Variants in SPTBN1 observed in about 807,000 individuals in gnomAD.
SPTBN1 encodes the protein spectrin beta, non-erythrocytic 1.
SPTBN1 carries 32 observed loss-of-function variants against 266.4 expected under a neutral mutation model. That is an observed-to-expected ratio of 0.12 (90% CI 0.09 to 0.16). The LOEUF is 0.16. Ranked by LOEUF, SPTBN1 falls within the 10% of genes least tolerant of loss-of-function variation. SPTBN1 has a pLI of 1.00. For synonymous variants in SPTBN1, 1,336 were observed against 1,162.2 expected (o/e 1.15, Z -3.04); for missense variants, 2,296 against 3,067.1 (o/e 0.75, Z 5.94).
Position 54,563,593 on chromosome 2 carries a change from CTTTTTTTTTTTTTTTTT to C in SPTBN1, c.149-35487_149-35471del, listed in dbSNP as rs750173696. The stretch of plus-strand genomic sequence containing the variant: ...CTCTGAATCATGAAGAAAATTTATT[CTTTTTTTTTTTTTTTTT>C]TTTTTTTTTTTGAGACGGGGTCTCA... On this transcript the variant is annotated intron_variant, in intron 2 of 35. Transcript: ENST00000356805. 6.2e-4 allele frequency among the ~76,000 whole-genome samples: 40 copies of C among 64,460 alleles called. 3 individuals carry two copies. The highest frequency in any genetic ancestry group is 3.0e-3 in the Admixed American group (12 of 3,960). The allele number at this position is 64,460 out of a possible 152,430, so 42.3% of individuals were successfully genotyped here.
chr2:54,639,331 G>A (rs1572730458), intron 18 of SPTBN1, among the ~76,000 whole-genome samples: 1 of 152,320 alleles, frequency 6.6e-6, no homozygotes, highest in African/African-American at 2.4e-5. Flanking sequence ...TCCACAGATT[G>A]GTAGTCCCTG....
chr2:54,565,593 G>C (rs1014826275), intron 2 of SPTBN1, among the ~76,000 whole-genome samples: 1 of 152,166 alleles, frequency 6.6e-6, no homozygotes, highest in Non-Finnish European at 1.5e-5. Flanking sequence ...AGGCATCAAG[G>C]TTAGTTTCAC....
chr2:54,585,340 A>C (rs553977735), intron 2 of SPTBN1, among the ~76,000 whole-genome samples: 2 of 152,236 alleles, frequency 1.3e-5, no homozygotes, highest in South Asian at 4.2e-4. Context: ...GATGAGTGTG[A>C]GGGATCTTAT....
intron 32 of SPTBN1, chr2:54,661,633 ACTT>A (rs1681054032): frequency 1.0e-6 from 1 of 985,538 alleles, no homozygotes; most frequent in Admixed American, 6.2e-5. Context: ...AGACAAAAAA[ACTT>A]CTGCTTTGTC....
chr2:54,561,441 G>GCT (rs1673291856), intron 2 of SPTBN1, among the ~76,000 whole-genome samples: 2 of 52,208 alleles, frequency 3.8e-5, no homozygotes, highest in African/African-American at 2.0e-4. Flanking sequence ...TCCTGTACTG[G>GCT]GTTTAATGCC....
chr2:54,632,482 G>T, intron 16 of SPTBN1, 84 bp from the exon 17 acceptor site: 1 of 1,357,602 alleles, frequency 7.4e-7, no homozygotes, highest in South Asian at 1.2e-5. Context: ...AAAGTGTTGT[G>T]AACTATGTTG....
At chr2:54,592,319 C>CT (rs535651231) in intron 2 of SPTBN1, among the ~76,000 whole-genome samples, 51 of 151,838 alleles carry the variant, frequency 3.4e-4, no homozygotes, top group Middle Eastern at 3.4e-3. Context: ...ATTCACAGCC[C>CT]TTTTTTTTAA....
rs374501388 is a variant in SPTBN1, at chr2:54,653,888, T to G, written c.5822+35T>G. 6 of 1,594,890 alleles carry G rather than the reference T, an allele frequency of 3.8e-6. No homozygotes were observed. The highest frequency in any genetic ancestry group is 1.7e-4 in the Middle Eastern group (1 of 5,968). ...TCAGCCCAAAGGAAATTGGACTTAT[T>G]GGCGCTTGGTTAAAACACAGGAGTC... On this transcript the variant is annotated intron_variant, in intron 27 of 35. Transcript: ENST00000356805. This position sits in a 1 kb window ranked among gnomAD's most constrained non-coding sequence, Gnocchi z 5.1.
intron 1 of SPTBN1, among the ~76,000 whole-genome samples, chr2:54,486,876 G>T (rs1668424556): frequency 6.6e-6 from 1 of 152,132 alleles, no homozygotes; most frequent in Non-Finnish European, 1.5e-5. Flanking sequence ...GCCTTGCCGG[G>T]GTCTTCTGAT....
At chr2:54,622,555 T>C in intron 9 of SPTBN1, 68 bp downstream of exon 9, 2 of 1,541,304 alleles carry the variant, frequency 1.3e-6, no homozygotes, top group Non-Finnish European at 1.8e-6. Context: ...CAGATCCCTA[T>C]GTTCTGATTT....
intron 1 of SPTBN1, among the ~76,000 whole-genome samples, chr2:54,488,096 TG>T (rs1668503949): frequency 6.6e-6 from 1 of 152,070 alleles, no homozygotes; most frequent in East Asian, 1.9e-4. Context: ...CCCAAAGTGC[TG>T]GGATTACAGG....
intron 2 of SPTBN1, among the ~76,000 whole-genome samples, chr2:54,580,161 A>G (rs760478568): frequency 6.6e-6 from 1 of 152,226 alleles, no homozygotes; most frequent in Non-Finnish European, 1.5e-5. Flanking sequence ...GAACCTGAGA[A>G]TATTCTCTAT....
intron 1 of SPTBN1, among the ~76,000 whole-genome samples, chr2:54,466,623 G>C (rs899369556): frequency 7.4e-6 from 1 of 134,770 alleles, no homozygotes; most frequent in African/African-American, 2.6e-5. Flanking sequence ...TTTATTCTTA[G>C]AAAGTTCATG....
At chr2:54,465,788 T>C (rs1418761389) in intron 1 of SPTBN1, among the ~76,000 whole-genome samples, 1 of 151,416 alleles carries the variant, frequency 6.6e-6, no homozygotes, top group African/African-American at 2.4e-5. Flanking sequence ...TGAAAAGGAG[T>C]CCCATGAATG....
chr2:54,572,992 C>T (rs1558856018), intron 2 of SPTBN1, among the ~76,000 whole-genome samples: 4 of 152,214 alleles, frequency 2.6e-5, no homozygotes, highest in Non-Finnish European at 5.9e-5. Context: ...TGCTGGGAAT[C>T]AGATGAGAAG....
intron 1 of SPTBN1, among the ~76,000 whole-genome samples, chr2:54,522,787 G>T (rs1055486004): frequency 2.0e-5 from 3 of 152,084 alleles, no homozygotes; most frequent in Non-Finnish European, 4.4e-5. Flanking sequence ...TTCGCAGGTG[G>T]GGGCAGGGCA....
At chr2:54,657,263 C>T (rs567922011) in intron 29 of SPTBN1, among the ~76,000 whole-genome samples, 1 of 152,336 alleles carries the variant, frequency 6.6e-6, no homozygotes, top group South Asian at 2.1e-4. Flanking sequence ...TCTAAACCCC[C>T]CAAAATAAAA....
chr2:54,599,984 G>T (rs1676373419), intron 3 of SPTBN1, among the ~76,000 whole-genome samples: 1 of 152,238 alleles, frequency 6.6e-6, no homozygotes, highest in African/African-American at 2.4e-5. Context: ...CAGAGCACAT[G>T]TAGTGCCATA....
At chr2:54,581,399 A>G (rs1674890042) in intron 2 of SPTBN1, among the ~76,000 whole-genome samples, 1 of 152,090 alleles carries the variant, frequency 6.6e-6, no homozygotes, top group African/African-American at 2.4e-5. Flanking sequence ...TGACTGTCCC[A>G]CTTACCCAGG....
Sources: allele counts gnomAD v4.1 joint callset (sites outside exome capture counted in the v4.1 genomes callset), GRCh38; gene constraint gnomAD v4.1.1; non-coding constraint Gnocchi (gnomAD v3.1); transcripts MANE v1.5; gene names NCBI Gene and HGNC (gene_info 2026-07-23, HGNC 2026-07-21).